The following EXOC4 variants were observed in gnomAD, a reference collection of about 807,000 sequenced individuals.
EXOC4 encodes the protein SEC8-like 1.
EXOC4 carries 71 observed loss-of-function variants against 107.2 expected under a neutral mutation model. That is an observed-to-expected ratio of 0.66 (90% confidence interval 0.55 to 0.81). EXOC4 has a LOEUF of 0.81. EXOC4 is among the 30% of genes least tolerant of loss of function. The pLI, the probability that EXOC4 is intolerant of heterozygous loss-of-function variation, is 0.00. For synonymous variants in EXOC4, 456 were observed against 441.2 expected (o/e 1.03, Z -0.42); for missense variants, 1,108 against 1,189.6 (o/e 0.93, Z 1.01).
At chr7:134,021,355 C>A (rs909807936) in intron 17 of EXOC4, among the ~76,000 whole-genome samples, 2 of 152,154 alleles carry the variant, frequency 1.3e-5, no homozygotes, top group African/African-American at 2.4e-5. Context: ...GCTCACCACA[C>A]GTACAGGAGA....
At chr7:133,349,341 C>G (rs972780614) in intron 5 of EXOC4, among the ~76,000 whole-genome samples, 2 of 152,090 alleles carry the variant, frequency 1.3e-5, no homozygotes, top group Non-Finnish European at 2.9e-5. Flanking sequence ...CAGCTCTTGG[C>G]AACCACCATT....
intron 13 of EXOC4, among the ~76,000 whole-genome samples, chr7:133,923,822 G>T (rs910219025): frequency 7.2e-5 from 11 of 152,094 alleles, no homozygotes; most frequent in African/African-American, 4.8e-5. Flanking sequence ...AGAAATCTAT[G>T]ATTTACCAAA....
At position 133,857,171 on chromosome 7, in the gene EXOC4, TATATATATATATATATATATATATATATA is replaced by T. The variant is rs1563029829; in HGVS notation, c.1735-38427_1735-38399del. Among the ~76,000 whole-genome samples the T allele has an allele frequency of 5.7e-4, 9 of 15,868 alleles. 1 individual carries two copies. Among genetic ancestry groups the T allele is most frequent in the South Asian group, 5.1e-3 (2 of 396 alleles). The allele number at this position is 15,868 out of a possible 152,430, so 10.4% of individuals were successfully genotyped here. The stretch of plus-strand genomic sequence containing the variant: ...ACGTATATATATATATATATATATA[TATATATATATATATATATATATATATATA>T]TTTTACCTCTACTTAACCTCCCTGG... On this transcript the variant is annotated intron_variant, in intron 11 of 17. Transcript: ENST00000253861.
chr7:133,440,053 C>T (rs188172181), intron 7 of EXOC4, among the ~76,000 whole-genome samples: 19 of 152,286 alleles, frequency 1.2e-4, no homozygotes, highest in Non-Finnish European at 2.2e-4. Flanking sequence ...TTAGTGATTA[C>T]ATTGAATAAT....
At chr7:133,283,459 T>G (rs1370317256) in intron 2 of EXOC4, among the ~76,000 whole-genome samples, 1 of 152,218 alleles carries the variant, frequency 6.6e-6, no homozygotes, top group Admixed American at 6.5e-5. Context: ...TGATGGACAC[T>G]TACGCTGCAG....
chr7:133,496,969 C>A (rs1460362405), intron 9 of EXOC4, among the ~76,000 whole-genome samples: 1 of 152,144 alleles, frequency 6.6e-6, no homozygotes, highest in African/African-American at 2.4e-5. Context: ...CAAAAAGCAG[C>A]AGAAGGTGCT....
At position 133,534,164 on chromosome 7, in the gene EXOC4, T is replaced by A. The variant is rs146777330; in HGVS notation, c.1417+54026T>A. On this transcript the variant is annotated intron_variant, in intron 9 of 17. Transcript: ENST00000253861. ...TTGATGTTTTGTTTTGGTCAGCACT[T>A]TGGTTCTATGTATTCATGTTTTTGT... Among the ~76,000 whole-genome samples, 30 of 152,292 alleles carry A rather than the reference T, an allele frequency of 2.0e-4. No individual in the cohort carries two copies. In the East Asian group the frequency reaches 5.2e-3, roughly 26 times the overall value.
chr7:133,932,408 G>A (rs951943682), intron 13 of EXOC4, among the ~76,000 whole-genome samples: 1 of 152,048 alleles, frequency 6.6e-6, no homozygotes, highest in Non-Finnish European at 1.5e-5. Context: ...CTTCTTATTT[G>A]TTCCCTGAGC....
chr7:133,862,173 T>TA (rs1169827006), intron 11 of EXOC4, among the ~76,000 whole-genome samples: 1 of 151,360 alleles, frequency 6.6e-6, no homozygotes, highest in African/African-American at 2.4e-5. Flanking sequence ...TTTTTTTTTT[T>TA]AATTTTATGT....
intron 10 of EXOC4, among the ~76,000 whole-genome samples, chr7:133,698,195 C>A (rs1794578306): frequency 6.6e-6 from 1 of 151,966 alleles, no homozygotes; most frequent in African/African-American, 2.4e-5. Flanking sequence ...TGTATCAGTG[C>A]CTTTCCGCGG....
At chr7:133,384,146 G>A (rs1295160696) in intron 7 of EXOC4, among the ~76,000 whole-genome samples, 1 of 152,102 alleles carries the variant, frequency 6.6e-6, no homozygotes, top group Non-Finnish European at 1.5e-5. Flanking sequence ...AGAGTGCTAG[G>A]GTGTCTAATG....
At chr7:133,285,251 T>C (rs761247692) in intron 2 of EXOC4, among the ~76,000 whole-genome samples, 7 of 152,222 alleles carry the variant, frequency 4.6e-5, no homozygotes, top group Non-Finnish European at 1.0e-4. Flanking sequence ...CTGGAGTTAC[T>C]GATTGGATAG....
chr7:133,720,163 G>A (rs370843700), intron 10 of EXOC4, among the ~76,000 whole-genome samples: 11 of 152,248 alleles, frequency 7.2e-5, no homozygotes, highest in South Asian at 6.2e-4. Context: ...AATGCTAAGC[G>A]TGGGGTTCTG....
chr7:133,554,976 T>C (rs1383568612), intron 9 of EXOC4, among the ~76,000 whole-genome samples: 2 of 152,224 alleles, frequency 1.3e-5, no homozygotes, highest in East Asian at 1.9e-4. Context: ...ATAGAAAATA[T>C]TGGGGAAAGC....
chr7:133,899,030 A>T (rs1004929740), intron 12 of EXOC4, among the ~76,000 whole-genome samples: 5 of 151,762 alleles, frequency 3.3e-5, no homozygotes, highest in Admixed American at 2.6e-4. Context: ...TAAAATTTTT[A>T]AAATAATTGC....
intron 10 of EXOC4, among the ~76,000 whole-genome samples, chr7:133,774,979 A>G (rs1325774218): frequency 1.3e-5 from 2 of 151,926 alleles, no homozygotes; most frequent in Non-Finnish European, 2.9e-5. Flanking sequence ...TCTCTCTAGC[A>G]GTGGCCCAGA....
chr7:133,787,218 GT>G (rs1796590671), intron 10 of EXOC4, among the ~76,000 whole-genome samples: 1 of 137,472 alleles, frequency 7.3e-6, no homozygotes, highest in Non-Finnish European at 1.5e-5. Flanking sequence ...CAAGGATGGA[GT>G]GCAGTGGCAG....
chr7:133,638,488 C>T (rs538607709), intron 10 of EXOC4, among the ~76,000 whole-genome samples: 2 of 152,230 alleles, frequency 1.3e-5, no homozygotes, highest in South Asian at 4.2e-4. Context: ...TTGGCAGAGT[C>T]AAGGAGTATA....
chr7:133,796,880 T>C (rs747335980), intron 10 of EXOC4, among the ~76,000 whole-genome samples: 2 of 152,168 alleles, frequency 1.3e-5, no homozygotes, highest in East Asian at 3.9e-4. Context: ...CGGAGGGTAA[T>C]GAAAGACGCT....
Sources: gnomAD v4.1 joint callset for allele counts (sites outside exome capture counted in the v4.1 genomes callset) on GRCh38, gnomAD v4.1.1 for gene constraint, MANE v1.5 for transcripts, NCBI Gene and HGNC (gene_info 2026-07-23, HGNC 2026-07-21) for gene names.